The following BHMT variants were observed in gnomAD, a reference collection of about 807,000 sequenced individuals.
The protein encoded by BHMT is betaine--homocysteine S-methyltransferase.
A neutral mutation model predicts 49.5 loss-of-function variants in BHMT; 38 were observed. The observed-to-expected ratio is 0.77, with a 90% CI of 0.59 to 1.01. The LOEUF (loss-of-function observed/expected upper bound fraction) is 1.01, where lower values mean the gene tolerates loss of function less well. Among genes scored for constraint, BHMT ranks in the 50% least tolerant of loss-of-function variants. BHMT has a pLI of 0.00. For missense variants in BHMT, 426 were observed against 495.7 expected, an observed-to-expected ratio of 0.86 and a Z score of 1.34; for synonymous variants, 166 against 176.3, an observed-to-expected ratio of 0.94 and a Z score of 0.46.
At position 79,131,076 on chromosome 5, in the gene BHMT, T is replaced by G; in HGVS notation, c.1181T>G (p.Leu394Arg). The change falls in exon 8 of 8, where the codon CTG (leucine) becomes CGG (arginine). Residue 394 changes from leucine to arginine, a missense_variant. Physicochemically the swap from Leu to Arg is moderately radical, Grantham distance 102. This residue lies in a region of BHMT where 73 missense variants were observed against 68.3 expected (regional missense o/e 1.07). Transcript: ENST00000274353. ...AAAGAAGCCACAACTGAGCAGCAGC[T>G]GAAAGAGCTCTTTGAAAAACAAAAA... ...QQKEATTEQQ[L>R]KELFEKQKFK... is the part of the protein sequence containing the mutation. The G allele has an allele frequency of 6.2e-7, 1 of 1,613,496 alleles. No homozygotes were observed. The highest frequency in any genetic ancestry group is 1.1e-5 in the South Asian group (1 of 90,926).
intron 6 of BHMT, among the ~76,000 whole-genome samples, chr5:79,126,859 A>G (rs916778143): frequency 6.6e-6 from 1 of 151,962 alleles, no homozygotes; most frequent in African/African-American, 2.4e-5. Flanking sequence ...TGATCTCACA[A>G]ATTAAGCCAG....
chr5:79,125,752 C>T (rs1047358934), intron 5 of BHMT, among the ~76,000 whole-genome samples: 1 of 151,718 alleles, frequency 6.6e-6, no homozygotes, highest in Admixed American at 6.6e-5. Context: ...GGCAACATGG[C>T]GAAACCCCAT....
intron 6 of BHMT, 155 bp downstream of exon 6, chr5:79,126,383 C>G: frequency 2.5e-6 from 2 of 807,488 alleles, no homozygotes; most frequent in Non-Finnish European, 3.8e-6. Context: ...CAGCCAAAAG[C>G]CCCTTCGTAT....
At chr5:79,114,779 C>T (rs1345495904) in intron 1 of BHMT, among the ~76,000 whole-genome samples, 1 of 152,094 alleles carries the variant, frequency 6.6e-6, no homozygotes, top group African/African-American at 2.4e-5. Flanking sequence ...CTTAATTTCT[C>T]ATTTGTGAAA....
At position 79,121,396 on chromosome 5, in the gene BHMT, A is replaced by C. The variant is rs753343147; in HGVS notation, c.625+31A>C. 3 of 1,613,320 alleles carry C rather than the reference A, an allele frequency of 1.9e-6. No individual in the cohort carries two copies. In the East Asian group the frequency reaches 6.7e-5, roughly 36 times the overall value. On this transcript the variant is annotated intron_variant, in intron 5 of 7. Coordinates refer to ENST00000274353, the MANE Select transcript of BHMT (RefSeq NM_001713.3). ...GATAGATTTCAATCAGTTTGTGATT[A>C]GTAAGTCTTAAAAGAACACACTAGT...
At chr5:79,126,810 G>GA (rs967068781) in intron 6 of BHMT, among the ~76,000 whole-genome samples, 19 of 152,118 alleles carry the variant, frequency 1.2e-4, no homozygotes, top group African/African-American at 4.3e-4. Flanking sequence ...CAGGCAGAAG[G>GA]AAAAACTTTC....
At chr5:79,128,529 TAAA>T (rs67257787) in intron 7 of BHMT, among the ~76,000 whole-genome samples, 3 of 140,092 alleles carry the variant, frequency 2.1e-5, no homozygotes, top group Non-Finnish European at 3.1e-5. Flanking sequence ...GACCCTGTTT[TAAA>T]AAAAAAAAAA....
At chr5:79,120,597 C>G (rs1166355607) in intron 4 of BHMT, 56 bp downstream of exon 4, 2 of 1,495,232 alleles carry the variant, frequency 1.3e-6, no homozygotes, top group African/African-American at 1.4e-5. Context: ...TTTTCTCTAC[C>G]TTTTGCTTTC....
At chr5:79,114,826 T>C (rs1756361553) in intron 1 of BHMT, among the ~76,000 whole-genome samples, 1 of 152,238 alleles carries the variant, frequency 6.6e-6, no homozygotes, top group Non-Finnish European at 1.5e-5. Flanking sequence ...GTACTATTTA[T>C]TTTTAAAGTC....
chr5:79,127,389 G>A (rs1756568959), intron 6 of BHMT, among the ~76,000 whole-genome samples: 1 of 152,050 alleles, frequency 6.6e-6, no homozygotes. Context: ...GCTTTCCCCA[G>A]GGTGAGTGCT....
rs773470146 is a variant in BHMT at position 79,121,341 on chromosome 5, T to A, written c.601T>A (p.Cys201Ser). 6.2e-7 allele frequency: 1 copy of A among 1,614,148 alleles called. No homozygotes were observed. The highest frequency in any genetic ancestry group is 1.1e-5 in the South Asian group (1 of 91,082). ...GDLHGVPPGECAVRLVKAGAS... is the reference protein window; with the variant it reads ...GDLHGVPPGESAVRLVKAGAS... ...TTTGCATGGCGTGCCCCCCGGCGAG[T>A]GTGCAGTGCGCCTGGTGAAAGCAGG... The change falls in exon 5 of 8, where the codon TGT (cysteine) becomes AGT (serine). Residue 201 changes from cysteine (C) to serine (S), a missense_variant. Physicochemically the swap from Cys to Ser is moderately radical, Grantham distance 112. Around this residue, in one of 3 missense-constraint regions of BHMT, gnomAD observed 321 missense variants for 355.9 expected, o/e 0.90. Coordinates refer to ENST00000274353, the MANE Select transcript of BHMT (RefSeq NM_001713.3).
rs1386939809 is a variant in BHMT, at chr5:79,120,351, G to A, written c.287G>A (p.Gly96Glu). ...RGNYVLEKIS[G>E]QEVNEAACDI... ...GTCTCATATACTCACCCATTTTAGG[G>A]GCAGGAAGTCAATGAAGCTGCTTGC... is the stretch of plus-strand genomic sequence containing the variant. Residue 96 changes from glycine (G) to glutamate (E), a missense_variant and splice_region_variant, in exon 4 of 8, where the codon GGG (glycine) becomes GAG (glutamate). Transcript: ENST00000274353. 6.2e-7 allele frequency: 1 copy of A among 1,605,700 alleles called. No homozygotes were observed. The highest frequency in any genetic ancestry group is 8.5e-7 in the Non-Finnish European group (1 of 1,177,282).
At chr5:79,118,441 T>C (rs1756419104) in intron 2 of BHMT, among the ~76,000 whole-genome samples, 1 of 152,180 alleles carries the variant, frequency 6.6e-6, no homozygotes, top group South Asian at 2.1e-4. Context: ...CACTCCAGCC[T>C]GGGTGACAGA....
At chr5:79,117,222 C>A (rs1401387012) in intron 2 of BHMT, among the ~76,000 whole-genome samples, 1 of 152,158 alleles carries the variant, frequency 6.6e-6, no homozygotes, top group Non-Finnish European at 1.5e-5. Context: ...TTATACATAA[C>A]AATTTGCACA....
chr5:79,124,223 A>C (rs1367157484), intron 5 of BHMT, among the ~76,000 whole-genome samples: 1 of 152,116 alleles, frequency 6.6e-6, no homozygotes, highest in Non-Finnish European at 1.5e-5. Context: ...ATGGTTGCAC[A>C]ACATTGTGAA....
rs1433433355 is a variant in BHMT at position 79,111,822 on chromosome 5, G to A, written c.-64G>A. On this transcript the variant is annotated 5_prime_UTR_variant, in exon 1 of 8. Transcript: ENST00000274353. ...CGGACTCGGAGCAGCTCGGGGCTGC[G>A]CAGCGGGAAGGCTCGCCTAGTCGGT... 34 of 1,602,304 alleles carry A rather than the reference G, an allele frequency of 2.1e-5. No individual in the cohort carries two copies. The South Asian group carries it at 2.6e-4, about 12-fold the overall frequency.
chr5:79,115,598 G>A (rs1394506960), intron 1 of BHMT, among the ~76,000 whole-genome samples, 169 bp from the exon 2 acceptor site: 1 of 151,916 alleles, frequency 6.6e-6, no homozygotes, highest in Non-Finnish European at 1.5e-5. Flanking sequence ...GAGCATTCTG[G>A]TTGTTTGTCT....
rs1194151794 is a variant in BHMT at position 79,117,548 on chromosome 5, C to CTAAAATTTAAAATT, written c.166+1661_166+1662insTTTAAAATTTAAAA. ...GGCTACAAGCTTACAAATGCATTTTCTAAAATTTAAAAGCTTTTTTCACTT... is the reference window on the plus strand; with the variant it reads ...GGCTACAAGCTTACAAATGCATTTTCTAAAATTTAAAATTTAAAATTTAAAAGCTTTTTTCACTT... On this transcript the variant is annotated intron_variant, in intron 2 of 7. Coordinates refer to ENST00000274353, the MANE Select transcript of BHMT (RefSeq NM_001713.3). Among the ~76,000 whole-genome samples the CTAAAATTTAAAATT allele has an allele frequency of 2.6e-5, 4 of 152,194 alleles. No individual in the cohort carries two copies. The East Asian group carries it at 7.7e-4, about 29-fold the overall frequency.
rs538684708 is a variant in BHMT, at chr5:79,125,459, GAAAAAA to G, written c.626-573_626-568del. Among the ~76,000 whole-genome samples, 35 of 104,544 alleles carry G rather than the reference GAAAAAA, an allele frequency of 3.3e-4. No homozygotes were observed. The Admixed American group carries it at 3.6e-3, about 11-fold the overall frequency. The allele number at this position is 104,544 out of a possible 152,430, so 68.6% of individuals were successfully genotyped here. On this transcript the variant is annotated intron_variant, in intron 5 of 7. Transcript: ENST00000274353. ...CAACAGAGCAAGAGTCTGTGTCTCA[GAAAAAA>G]AAAAAAAAAAAAAGAGATGGACAGC...
Sources: gnomAD v4.1 joint callset for allele counts (sites outside exome capture counted in the v4.1 genomes callset) on GRCh38, gnomAD v4.1.1 for gene constraint, gnomAD v4.1.1 regional missense constraint, MANE v1.5 for transcripts, NCBI Gene and HGNC (gene_info 2026-07-23, HGNC 2026-07-21) for gene names.